NAV2: variants seen among roughly 807,000 people sequenced by gnomAD.
NAV2 encodes helicase, APC down-regulated 1.
In NAV2, 54 loss-of-function variants were observed where a neutral mutation model predicts 223.2. That is an observed-to-expected ratio of 0.24 (90% CI 0.19 to 0.30). The LOEUF (loss-of-function observed/expected upper bound fraction) is 0.30. Ranked by LOEUF, NAV2 falls within the 10% of genes least tolerant of loss-of-function variation. The pLI is 1.00. For missense variants in NAV2, 2,806 were observed against 3,147.5 expected, an observed-to-expected ratio of 0.89 and a Z score of 2.60; for synonymous variants, 1,279 against 1,239.3, an observed-to-expected ratio of 1.03 and a Z score of -0.67.
At chr11:19,864,511 T>A (rs2061976094) in intron 3 of NAV2, among the ~76,000 whole-genome samples, 1 of 152,214 alleles carries the variant, frequency 6.6e-6, no homozygotes, top group Non-Finnish European at 1.5e-5. Flanking sequence ...ATGCAAAGTT[T>A]TCCATTTGCT....
chr11:19,919,772 C>G (rs1464501148), intron 6 of NAV2, among the ~76,000 whole-genome samples: 2 of 152,176 alleles, frequency 1.3e-5, no homozygotes, highest in Non-Finnish European at 2.9e-5. Flanking sequence ...CATCATTGCC[C>G]TTTTGCTGCT....
chr11:19,997,387 T>TC (rs2052010659), intron 11 of NAV2, among the ~76,000 whole-genome samples: 1 of 152,120 alleles, frequency 6.6e-6, no homozygotes, highest in South Asian at 2.1e-4. Context: ...TCATGAGAGC[T>TC]CTGGGTACAC....
At chr11:19,550,505 G>C in intron 1 of NAV2, among the ~76,000 whole-genome samples, 1 of 152,190 alleles carries the variant, frequency 6.6e-6, no homozygotes, top group East Asian at 1.9e-4. Flanking sequence ...TTGCTTAAAG[G>C]CAGATCGATA....
At chr11:19,427,969 GAT>G (rs1303382933) in intron 1 of NAV2, among the ~76,000 whole-genome samples, 1 of 151,758 alleles carries the variant, frequency 6.6e-6, no homozygotes, top group Non-Finnish European at 1.5e-5. Flanking sequence ...TTGTGTTTTT[GAT>G]TGTGTTTGGG....
chr11:20,074,588 A>G (rs2059604548), intron 22 of NAV2, among the ~76,000 whole-genome samples: 1 of 151,978 alleles, frequency 6.6e-6, no homozygotes, highest in African/African-American at 2.4e-5. Context: ...GTAGGTCTCT[A>G]AGGACTTGCT....
intron 1 of NAV2, among the ~76,000 whole-genome samples, chr11:19,803,668 T>A (rs1361848420): frequency 6.6e-6 from 1 of 152,238 alleles, no homozygotes; most frequent in Non-Finnish European, 1.5e-5. Flanking sequence ...GAGAGGAAAC[T>A]GTTAAATGAG....
intron 1 of NAV2, among the ~76,000 whole-genome samples, chr11:19,564,815 C>T (rs1044147598): frequency 6.6e-6 from 1 of 152,208 alleles, no homozygotes; most frequent in Non-Finnish European, 1.5e-5. Context: ...TGCTCAGAGC[C>T]ACGCAGCCAA....
At chr11:19,961,649 A>T (rs75424002) in intron 10 of NAV2, among the ~76,000 whole-genome samples, 7,214 of 152,202 alleles carry the variant, frequency 0.047, 539 homozygotes, top group African/African-American at 0.16. Flanking sequence ...ACCATAGGGA[A>T]ATTTCTTCCT....
rs547950542 is a variant in NAV2, at chr11:19,684,406, C to A, written c.76-148078C>A. On this transcript the variant is annotated intron_variant, in intron 1 of 37. Transcript: ENST00000360655. The stretch of plus-strand genomic sequence containing the variant: ...TCACCACTGGGGGCTGTCTCTGAGA[C>A]CCCAGTGATGAAGGTGAAGCTCTTG... Among the ~76,000 whole-genome samples the A allele has an allele frequency of 2.6e-5, 4 of 152,120 alleles. No individual in the cohort carries two copies. The East Asian group carries it at 5.8e-4, about 22-fold the overall frequency.
At chr11:19,640,833 A>T (rs1403144706) in intron 1 of NAV2, among the ~76,000 whole-genome samples, 2 of 152,192 alleles carry the variant, frequency 1.3e-5, no homozygotes, top group Admixed American at 1.3e-4. Flanking sequence ...AACAGGTATC[A>T]CACTTGTGAA....
At position 19,356,987 on chromosome 11, in the gene NAV2, C is replaced by T. The variant is rs1220502881; in HGVS notation, c.75+5960C>T. Among the ~76,000 whole-genome samples the T allele has an allele frequency of 2.6e-5, 4 of 152,200 alleles. No homozygotes were observed. The East Asian group carries it at 7.7e-4, about 29-fold the overall frequency. On this transcript the variant is annotated intron_variant, in intron 1 of 37. Coordinates refer to the NAV2 transcript ENST00000360655. ...AGGTGGCCATTCTCCATTTATTTGACAGATTCATGTAAATTGCACAAGGAT... is the reference window on the plus strand; with the variant it reads ...AGGTGGCCATTCTCCATTTATTTGATAGATTCATGTAAATTGCACAAGGAT...
In NAV2 at chr11:19,949,060, G is replaced by C; in HGVS notation, c.2625G>C (p.Arg875=). 1 of 1,608,856 alleles carries C rather than the reference G, an allele frequency of 6.2e-7. No individual in the cohort carries two copies. The highest frequency in any genetic ancestry group is 2.2e-5 in the East Asian group (1 of 44,720). Reference sequence around the variant, plus strand: ...GGGATGTTCTGAGCAAGAACATCCGGACCGATGACATTACAAGCGGGTAAG... The same window carrying C: ...GGGATGTTCTGAGCAAGAACATCCGCACCGATGACATTACAAGCGGGTAAG... ...SDGDVLSKNI[R]TDDITSGYMT... Residue 875 remains arginine (R), a synonymous_variant, in exon 10 of 38, where the codon CGG becomes CGC. Transcript: ENST00000349880.
intron 1 of NAV2, among the ~76,000 whole-genome samples, chr11:19,545,202 C>G (rs1032065160): frequency 6.6e-6 from 1 of 152,244 alleles, no homozygotes; most frequent in Non-Finnish European, 1.5e-5. Flanking sequence ...GAGGGTCAAG[C>G]TGCTACCCAG....
chr11:19,578,829 A>G (rs937067826), intron 1 of NAV2, among the ~76,000 whole-genome samples: 2 of 152,158 alleles, frequency 1.3e-5, no homozygotes, highest in Non-Finnish European at 2.9e-5. Context: ...AGCCTAAAAT[A>G]TCTACCCTCT....
intron 1 of NAV2, among the ~76,000 whole-genome samples, chr11:19,478,114 T>C (rs1313367854): frequency 2.0e-5 from 3 of 152,162 alleles, no homozygotes; most frequent in Admixed American, 6.5e-5. Flanking sequence ...AAATGTTTCA[T>C]TGGGCAGAAA....
Position 20,088,675 on chromosome 11 carries a change from G to T in NAV2, c.5499-2190G>T, listed in dbSNP as rs935582675. Among the ~76,000 whole-genome samples the T allele has an allele frequency of 2.6e-5, 4 of 152,228 alleles. No homozygotes were observed. In the East Asian group the frequency reaches 5.8e-4, roughly 22 times the overall value. ...CCAAGCTCTGCAAAGTAACCCATGT[G>T]ATACGTTCCACAACGTGAGTGCCAA... On this transcript the variant is annotated intron_variant, in intron 26 of 37. Coordinates refer to ENST00000349880, the MANE Select transcript of NAV2 (RefSeq NM_145117.5).
At chr11:19,901,636 A>G (rs7120090) in intron 6 of NAV2, among the ~76,000 whole-genome samples, 33,884 of 152,036 alleles carry the variant, frequency 0.22, 4,166 homozygotes, top group East Asian at 0.45. Flanking sequence ...ACACCCAGAC[A>G]AATGCCTAGC....
chr11:20,069,165 A>G (rs1276358814), intron 22 of NAV2, among the ~76,000 whole-genome samples: 1 of 152,176 alleles, frequency 6.6e-6, no homozygotes, highest in Non-Finnish European at 1.5e-5. Context: ...AGGAGGTGAC[A>G]TCTAATGGAT....
In NAV2 at chr11:20,068,359, G is replaced by A; in HGVS notation, c.4944G>A (p.Gln1648=). Residue 1648 remains glutamine, a synonymous_variant, in exon 22 of 38, where the codon CAG becomes CAA. Transcript: ENST00000349880. ...RKLRRELDAS[Q]EKVSALTTQL... The stretch of plus-strand genomic sequence containing the variant: ...TGCGGCGGGAACTGGATGCCTCCCA[G>A]GAGAAAGTTTCAGCTTTGACCACCC... 1 of 1,614,172 alleles carries A rather than the reference G, an allele frequency of 6.2e-7. No individual in the cohort carries two copies. The highest frequency in any genetic ancestry group is 1.1e-5 in the South Asian group (1 of 91,082).
Sources: allele counts gnomAD v4.1 joint callset (sites outside exome capture counted in the v4.1 genomes callset), GRCh38; gene constraint gnomAD v4.1.1; transcripts MANE v1.5; gene names NCBI Gene and HGNC (gene_info 2026-07-23, HGNC 2026-07-21).